Variants in MGAT5 observed in about 807,000 individuals in gnomAD.
The protein encoded by MGAT5 is alpha-1,6-mannosylglycoprotein 6-beta-N-acetylglucosaminyltransferase.
A neutral mutation model predicts 94.3 loss-of-function variants in MGAT5; 30 were observed. That is an observed-to-expected ratio of 0.32 (90% CI 0.24 to 0.43). The LOEUF is 0.43. Ranked by LOEUF, MGAT5 falls within the 20% of genes least tolerant of loss-of-function variation. The pLI is 1.00. For synonymous variants in MGAT5, 310 were observed against 322.9 expected (o/e 0.96, Z 0.43); for missense variants, 691 against 905.5 (o/e 0.76, Z 3.04).
chr2:134,384,276 T>C (rs10185618), intron 10 of MGAT5, among the ~76,000 whole-genome samples: 147,475 of 151,578 alleles, frequency 0.97, 71,817 homozygotes, highest in East Asian at 1. Flanking sequence ...AGTCCTAGGC[T>C]TTTTCTCTCT....
At chr2:134,317,336 G>A (rs1687050074) in intron 2 of MGAT5, among the ~76,000 whole-genome samples, 193 bp from the exon 3 acceptor site, 2 of 152,064 alleles carry the variant, frequency 1.3e-5, no homozygotes, top group South Asian at 2.1e-4. Flanking sequence ...CTGTAGTTGG[G>A]CTGTCCTCAG....
chr2:134,217,491 T>A (rs1034961699), intron 1 of MGAT5, among the ~76,000 whole-genome samples: 1 of 152,136 alleles, frequency 6.6e-6, no homozygotes, highest in African/African-American at 2.4e-5. Context: ...AGCTGAGAAC[T>A]GAACTTGAAA....
chr2:134,357,557 A>G (rs1350357606), intron 9 of MGAT5, among the ~76,000 whole-genome samples: 1 of 152,222 alleles, frequency 6.6e-6, no homozygotes, highest in African/African-American at 2.4e-5. Flanking sequence ...ATGATAACCA[A>G]AGGAGTTATT....
intron 13 of MGAT5, among the ~76,000 whole-genome samples, chr2:134,426,635 A>C (rs1684604882): frequency 6.6e-6 from 1 of 152,162 alleles, no homozygotes. Context: ...CCTTCTATGA[A>C]TCTTTGAGAG....
chr2:134,296,750 A>G (rs1023132059), intron 2 of MGAT5, among the ~76,000 whole-genome samples: 1 of 152,196 alleles, frequency 6.6e-6, no homozygotes, highest in East Asian at 1.9e-4. Context: ...ATGCATTCAA[A>G]TGTTATGAGA....
intron 9 of MGAT5, among the ~76,000 whole-genome samples, chr2:134,361,512 G>A (rs996533445): frequency 6.6e-6 from 1 of 152,216 alleles, no homozygotes; most frequent in African/African-American, 2.4e-5. Context: ...AGATGCGGAT[G>A]TTTGGAGAGG....
At chr2:134,283,061 T>C (rs563637041) in intron 2 of MGAT5, among the ~76,000 whole-genome samples, 1 of 152,232 alleles carries the variant, frequency 6.6e-6, no homozygotes, top group Non-Finnish European at 1.5e-5. Context: ...AACTAGACTT[T>C]TGAGAGAGCA....
At chr2:134,407,834 G>A (rs1019764183) in intron 11 of MGAT5, among the ~76,000 whole-genome samples, 3 of 150,510 alleles carry the variant, frequency 2.0e-5, no homozygotes, top group African/African-American at 7.4e-5. Context: ...TGTAAAATGT[G>A]GTTCTGTGAC....
At chr2:134,194,571 C>A (rs551834056) in intron 1 of MGAT5, among the ~76,000 whole-genome samples, 7 of 152,284 alleles carry the variant, frequency 4.6e-5, no homozygotes, top group African/African-American at 1.7e-4. Flanking sequence ...TCAATCTAAT[C>A]TTTTGCTCAC....
At chr2:134,294,342 AGGGGC>A (rs1402405335) in intron 2 of MGAT5, among the ~76,000 whole-genome samples, 1 of 152,100 alleles carries the variant, frequency 6.6e-6, no homozygotes, top group Non-Finnish European at 1.5e-5. Flanking sequence ...GTCTTAACGT[AGGGGC>A]TTTTTGGAGC....
intron 15 of MGAT5, among the ~76,000 whole-genome samples, chr2:134,447,561 A>G (rs1484746487): frequency 6.6e-6 from 1 of 152,190 alleles, no homozygotes; most frequent in East Asian, 1.9e-4. Flanking sequence ...GCCAGGACTC[A>G]AACCCAGGTC....
At chr2:134,440,928 C>T (rs1403804097) in intron 14 of MGAT5, among the ~76,000 whole-genome samples, 1 of 152,140 alleles carries the variant, frequency 6.6e-6, no homozygotes, top group Non-Finnish European at 1.5e-5. Context: ...GTGTATAGCT[C>T]ACATTTGTTT....
intron 2 of MGAT5, among the ~76,000 whole-genome samples, chr2:134,296,062 T>C (rs976076056): frequency 1.3e-5 from 2 of 152,080 alleles, no homozygotes. Context: ...TTTTGACTCT[T>C]GAAATACTGT....
At chr2:134,278,502 A>G (rs944638590) in intron 2 of MGAT5, among the ~76,000 whole-genome samples, 5 of 152,178 alleles carry the variant, frequency 3.3e-5, no homozygotes, top group African/African-American at 1.2e-4. Context: ...CCTGGGTCAC[A>G]TGGGTCACCC....
chr2:134,226,785 G>C (rs917284564), intron 1 of MGAT5, among the ~76,000 whole-genome samples: 1 of 152,132 alleles, frequency 6.6e-6, no homozygotes, highest in Non-Finnish European at 1.5e-5. Context: ...GACATGCCCT[G>C]CTCTTATGGG....
intron 1 of MGAT5, among the ~76,000 whole-genome samples, chr2:134,248,749 A>C (rs950518087): frequency 1.3e-5 from 2 of 152,276 alleles, no homozygotes; most frequent in South Asian, 4.1e-4. Flanking sequence ...GAAGAGACCA[A>C]ATCTCTGCTT....
intron 1 of MGAT5, among the ~76,000 whole-genome samples, chr2:134,195,546 C>T (rs190976579): frequency 6.6e-6 from 1 of 152,302 alleles, no homozygotes; most frequent in Non-Finnish European, 1.5e-5. Context: ...TCTCCCATAT[C>T]GGCTGCAGCA....
chr2:134,447,697 C>A (rs578073855), intron 15 of MGAT5, among the ~76,000 whole-genome samples: 9 of 152,350 alleles, frequency 5.9e-5, no homozygotes, highest in African/African-American at 1.9e-4. Context: ...GAGCAGTCAT[C>A]CCAAGTGGGA....
chr2:134,157,993 G>A (rs984192929), intron 1 of MGAT5, among the ~76,000 whole-genome samples: 3 of 152,188 alleles, frequency 2.0e-5, no homozygotes, highest in Admixed American at 6.5e-5. Flanking sequence ...TTGTCTCTGC[G>A]GACAGGTTGT....
Sources: allele counts gnomAD v4.1 joint callset (sites outside exome capture counted in the v4.1 genomes callset), GRCh38; gene constraint gnomAD v4.1.1; transcripts MANE v1.5; gene names NCBI Gene and HGNC (gene_info 2026-07-23, HGNC 2026-07-21).